The following ITPK1 variants were observed in gnomAD, a reference collection of about 807,000 sequenced individuals.
ITPK1 encodes the protein inositol-tetrakisphosphate 1-kinase.
Under a neutral mutation model 45.3 loss-of-function variants are expected in ITPK1, and 21 were observed. The ratio of observed to expected loss-of-function variants is 0.46; its 90% CI spans 0.33 to 0.67. The LOEUF (loss-of-function observed/expected upper bound fraction) is 0.67, where lower values mean the gene tolerates loss of function less well. Ranked by LOEUF, ITPK1 falls within the 30% of genes least tolerant of loss-of-function variation. The pLI, the probability that ITPK1 is intolerant of heterozygous loss-of-function variation, is 0.02. For missense variants in ITPK1, 474 were observed against 573.5 expected (o/e 0.83, Z 1.77); for synonymous variants, 258 against 253.6 (o/e 1.02, Z -0.16).
Position 93,034,755 on chromosome 14 carries a change from G to A in ITPK1, c.121-17954C>T, listed in dbSNP as rs567499249. 1.2e-3 allele frequency among the ~76,000 whole-genome samples: 190 copies of A among 152,352 alleles called. 2 individuals carry two copies. The highest frequency in any genetic ancestry group is 4.1e-3 in the African/African-American group (171 of 41,594). ...AGGGTGAAGAAGCCAGTTTAGCAGC[G>A]GAGAAGGCTGGCATGGCCCCAGCAC... On this transcript the variant is annotated intron_variant, in intron 3 of 10. Coordinates refer to ENST00000267615, the MANE Select transcript of ITPK1 (RefSeq NM_014216.6). The surrounding 1 kb of genome is among the most constrained non-coding windows in gnomAD (Gnocchi z 4.1).
At chr14:93,106,389 G>A (rs553112878) in intron 2 of ITPK1, among the ~76,000 whole-genome samples, 7 of 152,162 alleles carry the variant, frequency 4.6e-5, no homozygotes, top group African/African-American at 1.2e-4. Context: ...GGTGGAAACC[G>A]GCCTCAGTTC....
chr14:93,048,390 G>T (rs1465550317), intron 3 of ITPK1, among the ~76,000 whole-genome samples: 4 of 152,222 alleles, frequency 2.6e-5, no homozygotes, highest in Admixed American at 6.5e-5. Context: ...GTTTTAAGTG[G>T]TGACTAAAAA....
rs556351902 is a variant in ITPK1 at position 93,028,935 on chromosome 14, T to G, written c.121-12134A>C. ...GACTGAGCTTACGTGGCTGATGAGT[T>G]GCAGAGAGTTCTCCTTAGCCTGTGC... On this transcript the variant is annotated intron_variant, in intron 3 of 10. Coordinates refer to ENST00000267615, the MANE Select transcript of ITPK1 (RefSeq NM_014216.6). 5.3e-5 allele frequency among the ~76,000 whole-genome samples: 8 copies of G among 152,306 alleles called. No individual in the cohort carries two copies. In the East Asian group the frequency reaches 1.4e-3, roughly 26 times the overall value.
chr14:93,073,194 A>G (rs183208057), intron 3 of ITPK1, among the ~76,000 whole-genome samples: 70 of 152,342 alleles, frequency 4.6e-4, no homozygotes, highest in African/African-American at 1.7e-3. Flanking sequence ...TTTACAGATG[A>G]GCAGAAAGAC....
intron 2 of ITPK1, among the ~76,000 whole-genome samples, chr14:93,100,621 C>CCTACA (rs1225965106): frequency 2.6e-5 from 4 of 151,860 alleles, no homozygotes; most frequent in Admixed American, 1.3e-4. Flanking sequence ...CCTGAGTCTA[C>CCTACA]CTACACCTGA....
intron 3 of ITPK1, chr14:93,070,109 C>T (rs1488123715): frequency 2.0e-5 from 3 of 152,376 alleles, no homozygotes; most frequent in Non-Finnish European, 4.4e-5. Context: ...CCTCGAGTCC[C>T]CTCATGCCAG....
intron 2 of ITPK1, among the ~76,000 whole-genome samples, chr14:93,098,374 G>A (rs531451992): frequency 4.0e-5 from 6 of 151,848 alleles, no homozygotes; most frequent in East Asian, 2.0e-4. Context: ...GGAGAATGGC[G>A]TGAACCCGGG....
At chr14:92,965,364 C>T (rs1431248449) in intron 5 of ITPK1, among the ~76,000 whole-genome samples, 10 of 152,206 alleles carry the variant, frequency 6.6e-5, no homozygotes, top group Admixed American at 5.2e-4. Flanking sequence ...AAGGGAGCTT[C>T]TTCAACCTTC....
chr14:93,096,222 T>A (rs544145478), intron 2 of ITPK1, among the ~76,000 whole-genome samples: 1 of 152,326 alleles, frequency 6.6e-6, no homozygotes, highest in East Asian at 1.9e-4. Flanking sequence ...CAGCCCCAGC[T>A]TTCTGCGACT....
chr14:93,046,126 G>A (rs992492332), intron 3 of ITPK1, among the ~76,000 whole-genome samples: 4 of 152,132 alleles, frequency 2.6e-5, no homozygotes, highest in African/African-American at 9.7e-5. Context: ...CAGTCAAGCC[G>A]CACCCCTCCC....
chr14:93,069,592 C>G (rs1047325256), intron 3 of ITPK1: 2 of 153,554 alleles, frequency 1.3e-5, no homozygotes, highest in African/African-American at 4.8e-5. Context: ...CACCACTCCC[C>G]CACAGCTCAG....
intron 2 of ITPK1, among the ~76,000 whole-genome samples, chr14:93,088,981 CTG>C (rs538842339): frequency 7.9e-5 from 12 of 152,242 alleles, no homozygotes; most frequent in Non-Finnish European, 1.6e-4. Flanking sequence ...TCCCACAGCA[CTG>C]TGTGACTTCC....
intron 8 of ITPK1, among the ~76,000 whole-genome samples, chr14:92,955,854 G>A (rs896954072): frequency 3.3e-5 from 5 of 152,206 alleles, no homozygotes; most frequent in Admixed American, 3.3e-4. Context: ...GGTGAGGGCC[G>A]GAAAGAGGCC....
chr14:93,001,606 G>A (rs760344392), intron 4 of ITPK1, among the ~76,000 whole-genome samples: 3 of 152,184 alleles, frequency 2.0e-5, no homozygotes, highest in Non-Finnish European at 4.4e-5. Context: ...GCCGACTCTA[G>A]GATCCACTGC....
intron 9 of ITPK1, among the ~76,000 whole-genome samples, chr14:92,951,658 CCTT>C (rs564062482): frequency 1.3e-5 from 2 of 152,164 alleles, no homozygotes; most frequent in Non-Finnish European, 2.9e-5. Context: ...GGTCAGCACA[CCTT>C]CTGTGTGGGC....
At chr14:92,956,895 T>C (rs1331146905) in intron 8 of ITPK1, among the ~76,000 whole-genome samples, 1 of 152,212 alleles carries the variant, frequency 6.6e-6, no homozygotes, top group African/African-American at 2.4e-5. Context: ...TCCCACCCAG[T>C]GGGCAGGGGC....
At chr14:93,062,116 C>T (rs1350585186) in intron 3 of ITPK1, among the ~76,000 whole-genome samples, 1 of 152,130 alleles carries the variant, frequency 6.6e-6, no homozygotes, top group Non-Finnish European at 1.5e-5. Context: ...ACTAAAAATA[C>T]AAAAATTAGC....
chr14:92,942,248 A>T (rs1377390593), intron 10 of ITPK1, among the ~76,000 whole-genome samples: 3 of 152,146 alleles, frequency 2.0e-5, no homozygotes, highest in Admixed American at 1.3e-4. Flanking sequence ...AAGCCAGTAC[A>T]TGTGCAGGGG....
chr14:93,022,718 T>C (rs2139870158), intron 3 of ITPK1, among the ~76,000 whole-genome samples: 1 of 152,154 alleles, frequency 6.6e-6, no homozygotes. Flanking sequence ...ACTACTCATC[T>C]CTACCAGATG....
Sources: allele counts gnomAD v4.1 joint callset (sites outside exome capture counted in the v4.1 genomes callset), GRCh38; gene constraint gnomAD v4.1.1; non-coding constraint Gnocchi (gnomAD v3.1); transcripts MANE v1.5; gene names NCBI Gene and HGNC (gene_info 2026-07-23, HGNC 2026-07-21).